SETD9: variants seen among roughly 807,000 people sequenced by gnomAD.
SETD9 encodes the protein SET domain-containing protein 9.
In SETD9, 37 loss-of-function variants were observed where a neutral mutation model predicts 36.4. The observed-to-expected ratio is 1.02, with a 90% CI of 0.78 to 1.34. SETD9 has a LOEUF of 1.34. SETD9 is among the 40% of genes most tolerant of loss of function. The probability of loss-of-function intolerance (pLI) is 0.00; values close to 1 mark genes in which losing one functional copy is unlikely to be tolerated. For synonymous variants in SETD9, 128 were observed against 132.9 expected, an observed-to-expected ratio of 0.96 and a Z score of 0.26; for missense variants, 323 against 353.2, an observed-to-expected ratio of 0.91 and a Z score of 0.69.
At chr5:56,923,717 T>C (rs1749805076) in intron 5 of SETD9, 2 of 1,614,140 alleles carry the variant, frequency 1.2e-6, no homozygotes, top group Non-Finnish European at 1.7e-6. Context: ...AGTGAAGGAG[T>C]TGAGAATGTT....
At chr5:56,910,332 G>A (rs1285671459) in intron 1 of SETD9, 1 of 1,304,180 alleles carries the variant, frequency 7.7e-7, no homozygotes, top group African/African-American at 1.5e-5. Flanking sequence ...GCAGTAGCTC[G>A]CGCGTTAAGA....
Position 56,913,886 on chromosome 5 carries a change from G to A in SETD9, c.603G>A (p.Gly201=), listed in dbSNP as rs776244196. Reference sequence around the variant, plus strand: ...TCACTTGTTTCAGATCTTGCAATGGGAGGGATCGACTCGGCCCTTTAAAAA... The same window carrying A: ...TCACTTGTTTCAGATCTTGCAATGGAAGGGATCGACTCGGCCCTTTAAAAA... The part of the protein sequence containing the change: ...ISKVVYRSCN[G]RDRLGPLKMS... Residue 201 remains glycine (G), a synonymous_variant, in exon 4 of 6, where the codon GGG becomes GGA. Transcript: ENST00000285947. The A allele has an allele frequency of 1.2e-5, 19 of 1,610,070 alleles. No individual in the cohort carries two copies. The South Asian group carries it at 1.5e-4, about 13-fold the overall frequency.
chr5:56,918,440 CA>C (rs1233581353), downstream of SETD9, among the ~76,000 whole-genome samples: 1 of 152,102 alleles, frequency 6.6e-6, no homozygotes, highest in East Asian at 1.9e-4. Flanking sequence ...CACTTACCAC[CA>C]GCAAGCTCAA....
downstream of SETD9, among the ~76,000 whole-genome samples, chr5:56,918,046 T>C (rs745573377): frequency 6.6e-6 from 1 of 152,170 alleles, no homozygotes; most frequent in African/African-American, 2.4e-5. Flanking sequence ...TTACAGAACA[T>C]ATCACCAAGT....
chr5:56,912,248 A>G (rs1749176815), intron 2 of SETD9: 2 of 985,126 alleles, frequency 2.0e-6, no homozygotes, highest in South Asian at 4.7e-5. Flanking sequence ...TGCCCTTTCT[A>G]CACTTGGAAA....
At chr5:56,918,046 T>TATC (rs1749502226), downstream of SETD9, among the ~76,000 whole-genome samples, 1 of 152,170 alleles carries the variant, frequency 6.6e-6, no homozygotes, top group African/African-American at 2.4e-5. Context: ...TTACAGAACA[T>TATC]ATCACCAAGT....
chr5:56,911,547 GATTAAT>G lies in SETD9; in HGVS notation c.466+16_466+21del, dbSNP rs1561217931. 5.2e-6 allele frequency: 8 copies of G among 1,525,506 alleles called. No individual in the cohort carries two copies. The highest frequency in any genetic ancestry group is 7.0e-6 in the Non-Finnish European group (8 of 1,143,856). The allele number at this position is 1,525,506 out of a possible 1,614,324, so 94.5% of individuals were successfully genotyped here. A position where few individuals can be genotyped will look rare whatever the true frequency, so the allele number is the denominator to read the frequency against. ...TATCTATGTATCCTGGTAACAGCAC[GATTAAT>G]ATTATACTTTGCCAAGCTTCTTACG... On this transcript the variant is annotated intron_variant, in intron 2 of 5. Transcript: ENST00000285947.
chr5:56,912,924 G>GTGA, intron 2 of SETD9, 87 bp from the exon 3 acceptor site: 3 of 1,376,296 alleles, frequency 2.2e-6, no homozygotes, highest in Non-Finnish European at 1.0e-6. Context: ...TAAAGAGAAT[G>GTGA]TGATTATATT....
chr5:56,923,223 A>G, intron 5 of SETD9: 1 of 1,614,132 alleles, frequency 6.2e-7, no homozygotes, highest in Non-Finnish European at 8.5e-7. Flanking sequence ...TCAGCCACAG[A>G]AACAGCCATT....
At chr5:56,916,743 A>T in intron 5 of SETD9, 72 bp from the exon 6 acceptor site, 2 of 1,514,312 alleles carry the variant, frequency 1.3e-6, no homozygotes, top group Non-Finnish European at 1.8e-6. Context: ...TATAAAAGCC[A>T]TCTTGGTTAT....
At chr5:56,924,263 T>C (rs186113030) in intron 5 of SETD9, among the ~76,000 whole-genome samples, 1 of 151,884 alleles carries the variant, frequency 6.6e-6, no homozygotes, top group African/African-American at 2.4e-5. Flanking sequence ...GTTTTTTTTT[T>C]AAAAAAATCA....
downstream of SETD9, chr5:56,921,397 G>A (rs1749666204): frequency 6.6e-6 from 1 of 152,442 alleles, no homozygotes; most frequent in South Asian, 2.1e-4. Flanking sequence ...ATTATTTACT[G>A]TGTGCATACA....
chr5:56,916,814 G>T lies in SETD9; in HGVS notation c.813-1G>T, dbSNP rs927481585. Reference sequence around the variant, plus strand: ...CCTTTTGTATATCTTTTTGTTTTCAGCCCACTTCGATGTGTTGTTCTTGTC... The same window carrying T: ...CCTTTTGTATATCTTTTTGTTTTCATCCCACTTCGATGTGTTGTTCTTGTC... On this transcript the variant is annotated splice_acceptor_variant, in intron 5 of 5. Coordinates refer to ENST00000285947, the MANE Select transcript of SETD9 (RefSeq NM_153706.4). LOFTEE classifies it high-confidence loss of function. 5.0e-6 allele frequency: 8 copies of T among 1,599,978 alleles called. No individual in the cohort carries two copies. In the Middle Eastern group the frequency reaches 1.2e-3, roughly 231 times the overall value.
chr5:56,912,223 G>A (rs1012811858), intron 2 of SETD9: 17 of 984,874 alleles, frequency 1.7e-5, no homozygotes, highest in South Asian at 4.7e-5. Flanking sequence ...ATAAGTCACC[G>A]AATGAAGACC....
chr5:56,917,183 T>C lies in SETD9; in HGVS notation c.*281T>C. 1.8e-6 allele frequency: 2 copies of C among 1,087,098 alleles called. No homozygotes were observed. The highest frequency in any genetic ancestry group is 2.2e-6 in the Non-Finnish European group (2 of 896,872). 67.3% of individuals were successfully genotyped at this position (1,087,098 alleles called of 1,614,324 possible). On this transcript the variant is annotated 3_prime_UTR_variant, in exon 6 of 6. Transcript: ENST00000285947. ...AATTAAAACCTACTCTTTGAACTTATAATTTCAATTTTTCTTTTGTTTATT... is the reference window on the plus strand; with the variant it reads ...AATTAAAACCTACTCTTTGAACTTACAATTTCAATTTTTCTTTTGTTTATT...
chr5:56,927,152 T>C (rs1292151861), downstream of SETD9, among the ~76,000 whole-genome samples: 1 of 152,144 alleles, frequency 6.6e-6, no homozygotes, highest in African/African-American at 2.4e-5. Context: ...CTACTCTGTA[T>C]GATACTGTAC....
rs373925221 is a variant in SETD9 at position 56,913,100 on chromosome 5, G to A, written c.556G>A (p.Gly186Arg). ...FRCLDGVLID[G>R]NDKGISKVVY... The stretch of plus-strand genomic sequence containing the variant: ...ATGCCTGGATGGGGTACTCATTGAT[G>A]GGAATGACAAAGGGATATCAAAAGT... The change falls in exon 3 of 6, where the codon GGG becomes AGG. Residue 186 changes from glycine (G) to arginine (R), a missense_variant. By Grantham distance (125) the Gly-to-Arg change is moderately radical. Transcript: ENST00000285947. The A allele has an allele frequency of 1.2e-6, 2 of 1,614,094 alleles. No homozygotes were observed. Among genetic ancestry groups the A allele is most frequent in the African/African-American group, 2.7e-5 (2 of 75,044 alleles).
intron 2 of SETD9, 97 bp from the exon 3 acceptor site, chr5:56,912,914 T>C: frequency 7.5e-7 from 1 of 1,324,666 alleles, no homozygotes; most frequent in East Asian, 2.4e-5. Flanking sequence ...AGAAAGTAAC[T>C]AAAGAGAATG....
Position 56,924,628 on chromosome 5 carries a change from C to T in SETD9, c.813-705C>T, listed in dbSNP as rs567566843. Among the ~76,000 whole-genome samples the T allele has an allele frequency of 3.9e-5, 6 of 152,312 alleles. No individual in the cohort carries two copies. The East Asian group carries it at 1.2e-3, about 29-fold the overall frequency. ...GCTAGCTAAAGGCAGGGCTTTCTCCCTCCAGTATGTTTGGTTTTTAGATCC... is the reference window on the plus strand; with the variant it reads ...GCTAGCTAAAGGCAGGGCTTTCTCCTTCCAGTATGTTTGGTTTTTAGATCC... On this transcript the variant is annotated intron_variant, in intron 5 of 5. Coordinates refer to the SETD9 transcript ENST00000628593.
Sources: gnomAD v4.1 joint callset for allele counts (sites outside exome capture counted in the v4.1 genomes callset) on GRCh38, gnomAD v4.1.1 for gene constraint, MANE v1.5 for transcripts, NCBI Gene and HGNC (gene_info 2026-07-23, HGNC 2026-07-21) for gene names.